Variants in GRIN2B observed in about 807,000 individuals in gnomAD.
GRIN2B encodes glutamate ionotropic receptor NMDA type subunit 2B, also known as glutamate receptor ionotropic, NMDA 2B.
GRIN2B carries 5 observed loss-of-function variants against 114.5 expected under a neutral mutation model. That is an observed-to-expected ratio of 0.04 (90% CI 0.02 to 0.09). The LOEUF (loss-of-function observed/expected upper bound fraction) is 0.09. Among genes scored for constraint, GRIN2B ranks in the 10% least tolerant of loss-of-function variants. The probability of loss-of-function intolerance (pLI) is 1.00; values close to 1 mark genes in which losing one functional copy is unlikely to be tolerated. For missense variants in GRIN2B, 1,108 were observed against 1,943.5 expected, an observed-to-expected ratio of 0.57 and a Z score of 8.08; for synonymous variants, 787 against 745.1, an observed-to-expected ratio of 1.06 and a Z score of -0.92.
intron 3 of GRIN2B, among the ~76,000 whole-genome samples, chr12:13,785,429 C>A (rs1325522535): frequency 6.6e-6 from 1 of 152,152 alleles, no homozygotes; most frequent in Non-Finnish European, 1.5e-5. Context: ...CCCAAACACC[C>A]TTTTCCAGGC....
intron 10 of GRIN2B, among the ~76,000 whole-genome samples, chr12:13,583,832 A>G (rs1410151362): frequency 1.3e-5 from 2 of 152,154 alleles, no homozygotes; most frequent in South Asian, 2.1e-4. Flanking sequence ...AAACCATCCC[A>G]TGGAGCACAC....
At chr12:13,880,994 T>TTGTG (rs144197797) in intron 2 of GRIN2B, among the ~76,000 whole-genome samples, 21,199 of 148,858 alleles carry the variant, frequency 0.14, 1,678 homozygotes, top group South Asian at 0.19. Flanking sequence ...GGGTATAAGG[T>TTGTG]TGTGTGTGTG....
rs150020277 is a variant in GRIN2B at position 13,739,306 on chromosome 12, G to A, written c.1010+14011C>T. 1.6e-3 allele frequency among the ~76,000 whole-genome samples: 243 copies of A among 148,790 alleles called. 2 individuals carry two copies. The highest frequency in any genetic ancestry group is 5.8e-3 in the African/African-American group (235 of 40,390). On this transcript the variant is annotated intron_variant, in intron 4 of 13. Transcript: ENST00000609686. ...AGGAGAATCGCTGAACCTAGGAGGCGGAGGTTGTGGTGAGCTGAGATTGCA... is the reference window on the plus strand; with the variant it reads ...AGGAGAATCGCTGAACCTAGGAGGCAGAGGTTGTGGTGAGCTGAGATTGCA...
At chr12:13,873,275 T>C (rs902820392) in intron 2 of GRIN2B, among the ~76,000 whole-genome samples, 4 of 152,228 alleles carry the variant, frequency 2.6e-5, no homozygotes, top group Admixed American at 1.3e-4. Flanking sequence ...GCTTAGGCAA[T>C]ACATGCATTC....
chr12:13,953,606 G>C (rs1867535414), intron 2 of GRIN2B, among the ~76,000 whole-genome samples: 1 of 152,166 alleles, frequency 6.6e-6, no homozygotes, highest in African/African-American at 2.4e-5. Flanking sequence ...GGGGGTGCTG[G>C]AGAGAGGAGA....
intron 5 of GRIN2B, among the ~76,000 whole-genome samples, chr12:13,672,878 C>T (rs996824716): frequency 1.3e-5 from 2 of 152,078 alleles, no homozygotes; most frequent in African/African-American, 2.4e-5. Context: ...CAACAGCTAC[C>T]GTATCAAGGG....
chr12:13,939,038 G>A (rs942450503), intron 2 of GRIN2B, among the ~76,000 whole-genome samples: 4 of 152,200 alleles, frequency 2.6e-5, no homozygotes, highest in East Asian at 1.9e-4. Flanking sequence ...AGCTCACCTC[G>A]AAAGACTTTA....
chr12:13,888,161 T>C (rs1591604168), intron 2 of GRIN2B, among the ~76,000 whole-genome samples: 4 of 152,200 alleles, frequency 2.6e-5, no homozygotes, highest in Admixed American at 2.6e-4. Context: ...TATACGGCCA[T>C]GTATTGCTTA....
intron 2 of GRIN2B, among the ~76,000 whole-genome samples, chr12:13,972,278 A>G (rs1862936270): frequency 6.6e-6 from 1 of 152,122 alleles, no homozygotes; most frequent in South Asian, 2.1e-4. Flanking sequence ...TGATTTTGTT[A>G]TTGAAGTGGA....
intron 13 of GRIN2B, among the ~76,000 whole-genome samples, chr12:13,565,772 A>T (rs954529996): frequency 3.3e-5 from 5 of 152,248 alleles, no homozygotes; most frequent in East Asian, 1.9e-4. Context: ...GAAGAATCGT[A>T]GCGAAATGGG....
intron 2 of GRIN2B, among the ~76,000 whole-genome samples, chr12:13,916,735 A>ACACAAATGTGTGTGTGTGTGTG (rs59238170): frequency 9.8e-6 from 1 of 101,904 alleles, no homozygotes. Flanking sequence ...ACACACACAC[A>ACACAAATGTGTGTGTGTGTGTG]TTTGTGTGTG....
At position 13,872,070 on chromosome 12, in the gene GRIN2B, TAAG is replaced by T. The variant is rs759771684; in HGVS notation, c.-18-5847_-18-5845del. Among the ~76,000 whole-genome samples, 10 of 152,142 alleles carry T rather than the reference TAAG, an allele frequency of 6.6e-5. No individual in the cohort carries two copies. In the South Asian group the frequency reaches 2.1e-3, roughly 32 times the overall value. On this transcript the variant is annotated intron_variant, in intron 2 of 13. Coordinates refer to ENST00000609686, the MANE Select transcript of GRIN2B (RefSeq NM_000834.5). ...TTATAGATTAAGTATATCAAACTTT[TAAG>T]AAGGAAACGAGCCTTGCTCATATAA... is the stretch of plus-strand genomic sequence containing the variant.
rs1160564382 is a variant in GRIN2B at position 13,541,841 on chromosome 12, G to A, written c.*20942C>T. 6.6e-6 allele frequency: 1 copy of A among 152,206 alleles called. No individual in the cohort carries two copies. Among genetic ancestry groups the A allele is most frequent in the Non-Finnish European group, 1.5e-5 (1 of 68,022 alleles). 9.4% of individuals were successfully genotyped at this position (152,206 alleles called of 1,614,324 possible). ...TCTTCTCAAATTATGATTTTTTCAG[G>A]TGGCACAGGAAATAGAATTAGTGCA... On this transcript the variant is annotated 3_prime_UTR_variant, in exon 14 of 14. Coordinates refer to ENST00000609686, the MANE Select transcript of GRIN2B (RefSeq NM_000834.5).
At chr12:13,848,118 G>C (rs541962020) in intron 3 of GRIN2B, among the ~76,000 whole-genome samples, 3 of 152,302 alleles carry the variant, frequency 2.0e-5, no homozygotes, top group African/African-American at 7.2e-5. Flanking sequence ...GCTAGGATCA[G>C]AGAGGATCCC....
intron 5 of GRIN2B, among the ~76,000 whole-genome samples, chr12:13,664,777 T>C (rs1949958025): frequency 6.6e-6 from 1 of 152,184 alleles, no homozygotes; most frequent in Non-Finnish European, 1.5e-5. Context: ...ATAAAATATT[T>C]GGTTGCTTGT....
rs1431691440 is a variant in GRIN2B, at chr12:13,540,714, G to A, written c.*22069C>T. 6.6e-6 allele frequency: 1 copy of A among 151,956 alleles called. No homozygotes were observed. The highest frequency in any genetic ancestry group is 1.5e-5 in the Non-Finnish European group (1 of 67,992). The allele number at this position is 151,956 out of a possible 1,614,324, so 9.4% of individuals were successfully genotyped here. A position where few individuals can be genotyped will look rare whatever the true frequency, so the allele number is the denominator to read the frequency against. On this transcript the variant is annotated 3_prime_UTR_variant, in exon 14 of 14. Transcript: ENST00000609686. The stretch of plus-strand genomic sequence containing the variant: ...CCCTGCATGTCCAAAATAAGAAATA[G>A]ATATTTACAGAAAACAGAAGCAAAA...
rs749683679 is a variant in GRIN2B at position 13,540,503 on chromosome 12, A to G, written c.*22280T>C. The G allele has an allele frequency of 5.9e-5, 8 of 135,664 alleles. No homozygotes were observed. In the East Asian group the frequency reaches 2.0e-3, roughly 34 times the overall value. The allele number at this position is 135,664 out of a possible 1,614,324, so 8.4% of individuals were successfully genotyped here. A position where few individuals can be genotyped will look rare whatever the true frequency, so the allele number is the denominator to read the frequency against. ...GACCCCCCACCCCCACCCGACCCCA[A>G]TGAGAAACAAGATAAATCAAAAGAA... On this transcript the variant is annotated 3_prime_UTR_variant, in exon 14 of 14. Coordinates refer to ENST00000609686, the MANE Select transcript of GRIN2B (RefSeq NM_000834.5).
intron 2 of GRIN2B, among the ~76,000 whole-genome samples, chr12:13,874,555 T>C (rs1865966260): frequency 6.6e-6 from 1 of 152,236 alleles, no homozygotes. Context: ...ACGCAGTTCT[T>C]AATTATAATT....
chr12:13,807,260 A>G (rs1012415659), intron 3 of GRIN2B, among the ~76,000 whole-genome samples: 1 of 152,158 alleles, frequency 6.6e-6, no homozygotes. Context: ...TATGAGTCTA[A>G]GTGACAACCG....
Sources: gnomAD v4.1 joint callset for allele counts (sites outside exome capture counted in the v4.1 genomes callset) on GRCh38, gnomAD v4.1.1 for gene constraint, MANE v1.5 for transcripts, NCBI Gene and HGNC (gene_info 2026-07-23, HGNC 2026-07-21) for gene names.